Variants in SLC39A12 observed in about 807,000 individuals in gnomAD.
SLC39A12 encodes zinc transporter ZIP12.
SLC39A12 carries 63 observed loss-of-function variants against 71.1 expected under a neutral mutation model. The ratio of observed to expected loss-of-function variants is 0.89; its 90% CI spans 0.72 to 1.09. SLC39A12 has a LOEUF of 1.09. Ranked by LOEUF, SLC39A12 falls within the 50% of genes least tolerant of loss-of-function variation. The pLI is 0.00. For missense variants in SLC39A12, 892 were observed against 812.6 expected (o/e 1.10, Z -1.19); for synonymous variants, 351 against 301.3 (o/e 1.16, Z -1.71).
chr10:18,030,608 TTTTA>T (rs1168138812), intron 12 of SLC39A12, among the ~76,000 whole-genome samples: 19 of 130,288 alleles, frequency 1.5e-4, no homozygotes, highest in African/African-American at 4.0e-4. Context: ...TTTTATTTTA[TTTTA>T]TTTATTTATG....
At chr10:18,001,009 A>G (rs1184125876) in intron 11 of SLC39A12, among the ~76,000 whole-genome samples, 184 bp downstream of exon 11, 3 of 152,224 alleles carry the variant, frequency 2.0e-5, no homozygotes, top group African/African-American at 7.2e-5. Context: ...TTGGAATAAA[A>G]TCCAGTTAAA....
intron 12 of SLC39A12, among the ~76,000 whole-genome samples, chr10:18,028,838 G>C (rs539574910): frequency 3.0e-4 from 45 of 152,088 alleles, no homozygotes; most frequent in African/African-American, 1.0e-3. Flanking sequence ...TCCAGCCTCA[G>C]CCTCCCGAGT....
chr10:17,956,719 G>T (rs1300589337), intron 2 of SLC39A12, among the ~76,000 whole-genome samples: 1 of 152,208 alleles, frequency 6.6e-6, no homozygotes, highest in Non-Finnish European at 1.5e-5. Context: ...ATTCAAAGCA[G>T]AGAACCACTG....
Position 17,995,822 on chromosome 10 carries a change from G to T in SLC39A12, c.1600+100G>T, listed in dbSNP as rs1835669796. 4 of 1,014,524 alleles carry T rather than the reference G, an allele frequency of 3.9e-6. No homozygotes were observed. In the South Asian group the frequency reaches 7.4e-5, roughly 19 times the overall value. 62.8% of individuals were successfully genotyped at this position (1,014,524 alleles called of 1,614,324 possible). A position where few individuals can be genotyped will look rare whatever the true frequency, so the allele number is the denominator to read the frequency against. ...CAAAACTATATAGATATCATATTGG[G>T]TATGTAGTTTATTATGAAAAACTTT... is the stretch of plus-strand genomic sequence containing the variant. On this transcript the variant is annotated intron_variant, in intron 10 of 12. Coordinates refer to ENST00000377369, the MANE Select transcript of SLC39A12 (RefSeq NM_001145195.2).
intron 3 of SLC39A12, among the ~76,000 whole-genome samples, chr10:17,964,177 T>C (rs1201666199): frequency 6.6e-6 from 1 of 152,204 alleles, no homozygotes; most frequent in Non-Finnish European, 1.5e-5. Flanking sequence ...ACCCTTATTG[T>C]TTCACAGCCT....
intron 1 of SLC39A12, among the ~76,000 whole-genome samples, chr10:17,952,867 G>A (rs1554847279): frequency 6.6e-6 from 1 of 152,166 alleles, no homozygotes; most frequent in African/African-American, 2.4e-5. Flanking sequence ...GAATCACTTG[G>A]AGTTCTTTAT....
chr10:17,975,556 T>G (rs925389014), intron 4 of SLC39A12, among the ~76,000 whole-genome samples: 4 of 151,480 alleles, frequency 2.6e-5, no homozygotes, highest in Non-Finnish European at 1.5e-5. Flanking sequence ...CAATGCAGAG[T>G]CCTCCCCACT....
intron 5 of SLC39A12, among the ~76,000 whole-genome samples, chr10:17,979,819 A>G (rs1835207694): frequency 6.6e-6 from 1 of 152,150 alleles, no homozygotes; most frequent in African/African-American, 2.4e-5. Flanking sequence ...GCCTGACCCA[A>G]GAGGCACCAT....
At chr10:17,972,054 G>A (rs114364040) in intron 4 of SLC39A12, among the ~76,000 whole-genome samples, 2,061 of 152,070 alleles carry the variant, frequency 0.014, 40 homozygotes, top group African/African-American at 0.043. Flanking sequence ...GTTTCAAGAC[G>A]TTTTTCTATT....
intron 12 of SLC39A12, among the ~76,000 whole-genome samples, chr10:18,040,181 T>C (rs1377913597): frequency 5.9e-5 from 9 of 152,176 alleles, no homozygotes. Context: ...CCACATTCCA[T>C]AGATTTTCCA....
chr10:17,987,945 G>A (rs1199711886), intron 7 of SLC39A12, among the ~76,000 whole-genome samples: 8 of 152,084 alleles, frequency 5.3e-5, no homozygotes, highest in African/African-American at 1.4e-4. Flanking sequence ...AGGCTGAGGC[G>A]GGAAGATCGC....
chr10:18,033,296 G>C (rs1283299347), intron 12 of SLC39A12, among the ~76,000 whole-genome samples: 3 of 148,676 alleles, frequency 2.0e-5, no homozygotes, highest in East Asian at 4.1e-4. Flanking sequence ...CTTTTTGGTT[G>C]GTAAACTATT....
intron 4 of SLC39A12, among the ~76,000 whole-genome samples, chr10:17,970,883 T>A (rs1277911419): frequency 2.6e-5 from 4 of 152,150 alleles, no homozygotes; most frequent in African/African-American, 9.7e-5. Flanking sequence ...ATGTTCCAGA[T>A]CTGAGAGAAA....
At position 18,042,695 on chromosome 10, in the gene SLC39A12, C is replaced by A; in HGVS notation, c.1948-10C>A. On this transcript the variant is annotated splice_polypyrimidine_tract_variant and intron_variant, in intron 12 of 12. Coordinates refer to ENST00000377369, the MANE Select transcript of SLC39A12 (RefSeq NM_001145195.2). ...CTGGATCTTATTCTGGTTTTTTATTCTTTTTTTAGCTTCCTGAAATGACTC... is the reference window on the plus strand; with the variant it reads ...CTGGATCTTATTCTGGTTTTTTATTATTTTTTTAGCTTCCTGAAATGACTC... 2 of 1,591,578 alleles carry A rather than the reference C, an allele frequency of 1.3e-6. No homozygotes were observed. Among genetic ancestry groups the A allele is most frequent in the Non-Finnish European group, 1.7e-6 (2 of 1,171,858 alleles).
At chr10:17,976,105 A>G (rs1238056689) in intron 4 of SLC39A12, among the ~76,000 whole-genome samples, 1 of 152,106 alleles carries the variant, frequency 6.6e-6, no homozygotes, top group Non-Finnish European at 1.5e-5. Context: ...TGCCTATTTC[A>G]GTAATATGAA....
intron 2 of SLC39A12, among the ~76,000 whole-genome samples, chr10:17,960,158 G>A (rs1296480988): frequency 9.2e-5 from 14 of 152,118 alleles, no homozygotes; most frequent in African/African-American, 3.4e-4. Flanking sequence ...ATATGTATGG[G>A]AAACCAAAAA....
At chr10:18,012,566 C>T (rs1836256565) in intron 12 of SLC39A12, among the ~76,000 whole-genome samples, 1 of 151,974 alleles carries the variant, frequency 6.6e-6, no homozygotes. Context: ...AGTAGAAAAC[C>T]CTGCAGACTA....
intron 4 of SLC39A12, among the ~76,000 whole-genome samples, chr10:17,971,436 AG>A (rs1431262401): frequency 6.6e-6 from 1 of 151,952 alleles, no homozygotes; most frequent in Non-Finnish European, 1.5e-5. Flanking sequence ...AATGTTTGGT[AG>A]AATTCAGCAG....
intron 12 of SLC39A12, among the ~76,000 whole-genome samples, chr10:18,030,155 G>A (rs1318159310): frequency 2.0e-5 from 3 of 152,002 alleles, no homozygotes; most frequent in African/African-American, 7.2e-5. Flanking sequence ...ATAGGCCACC[G>A]AAATTGAAAT....
Sources: gnomAD v4.1 joint callset for allele counts (sites outside exome capture counted in the v4.1 genomes callset) on GRCh38, gnomAD v4.1.1 for gene constraint, MANE v1.5 for transcripts, NCBI Gene and HGNC (gene_info 2026-07-23, HGNC 2026-07-21) for gene names.